The following HYAL4 variants were observed in gnomAD, a reference collection of about 807,000 sequenced individuals.
HYAL4 encodes hyaluronidase 4.
A neutral mutation model predicts 35.2 loss-of-function variants in HYAL4; 37 were observed. That is an observed-to-expected ratio of 1.05 (90% CI 0.81 to 1.38). The LOEUF (loss-of-function observed/expected upper bound fraction) is 1.38, where lower values mean the gene tolerates loss of function less well. Among genes scored for constraint, HYAL4 ranks in the 40% most tolerant of loss-of-function variants. The probability of loss-of-function intolerance (pLI) is 0.00; values close to 1 mark genes in which losing one functional copy is unlikely to be tolerated. For synonymous variants in HYAL4, 198 were observed against 203.2 expected (o/e 0.97, Z 0.22); for missense variants, 572 against 572.4 (o/e 1.00, Z 0.01).
the HYAL4 span, among the ~76,000 whole-genome samples, chr7:123,797,816 T>G: frequency 2.6e-5 from 4 of 152,134 alleles, no homozygotes; most frequent in Non-Finnish European, 5.9e-5. Flanking sequence ...AATGGCAATT[T>G]GCAAAGTCAT....
chr7:123,864,222 G>A (rs1806638872), intron 2 of HYAL4, among the ~76,000 whole-genome samples: 1 of 152,102 alleles, frequency 6.6e-6, no homozygotes, highest in African/African-American at 2.4e-5. Flanking sequence ...TTTACCTATG[G>A]CTTTAATGAG....
At chr7:123,791,505 A>G in the HYAL4 span, among the ~76,000 whole-genome samples, 1 of 152,210 alleles carries the variant, frequency 6.6e-6, no homozygotes, top group African/African-American at 2.4e-5. Flanking sequence ...AATATCAGTG[A>G]TTAATTGGGG....
upstream of HYAL4, among the ~76,000 whole-genome samples, chr7:123,841,262 T>C (rs1806054473): frequency 1.3e-5 from 2 of 152,014 alleles, no homozygotes. Context: ...GTTTTTGTCA[T>C]TGGTTCTGTT....
chr7:123,785,887 A>G, the HYAL4 span, among the ~76,000 whole-genome samples: 1 of 152,180 alleles, frequency 6.6e-6, no homozygotes, highest in African/African-American at 2.4e-5. This position sits in a 1 kb window ranked among gnomAD's most constrained non-coding sequence, Gnocchi z 4.5. Context: ...CCTAGGCAAA[A>G]TGTAAATTTA....
chr7:123,805,868 A>C, the HYAL4 span, among the ~76,000 whole-genome samples: 2 of 152,002 alleles, frequency 1.3e-5, no homozygotes, highest in Admixed American at 1.3e-4. Context: ...AGTGGCAGGC[A>C]CCTGTAATCC....
intron 3 of HYAL4, among the ~76,000 whole-genome samples, chr7:123,872,044 G>A (rs2116964288): frequency 6.6e-6 from 1 of 152,276 alleles, no homozygotes; most frequent in East Asian, 1.9e-4. Flanking sequence ...TGCAAGTGCA[G>A]TTTTGTTACA....
chr7:123,793,720 A>C, the HYAL4 span, among the ~76,000 whole-genome samples: 1 of 152,180 alleles, frequency 6.6e-6, no homozygotes, highest in African/African-American at 2.4e-5. Context: ...CTGAACTGTG[A>C]ATCAATTAAA....
At chr7:123,862,738 T>C (rs555789904) in intron 2 of HYAL4, among the ~76,000 whole-genome samples, 1 of 152,348 alleles carries the variant, frequency 6.6e-6, no homozygotes, top group South Asian at 2.1e-4. Flanking sequence ...GCAAGAGCTT[T>C]TTATAGTCTT....
At chr7:123,858,990 G>T (rs1404256421) in intron 2 of HYAL4, among the ~76,000 whole-genome samples, 2 of 151,738 alleles carry the variant, frequency 1.3e-5, no homozygotes, top group Non-Finnish European at 2.9e-5. Context: ...GTGTGGGGAA[G>T]AATAAAAAGA....
the HYAL4 span, among the ~76,000 whole-genome samples, chr7:123,793,569 T>G: frequency 1.3e-5 from 2 of 152,206 alleles, no homozygotes; most frequent in African/African-American, 4.8e-5. Flanking sequence ...TTCATGATAG[T>G]GAGTTCTCAC....
chr7:123,803,837 T>C, the HYAL4 span, among the ~76,000 whole-genome samples: 13 of 152,194 alleles, frequency 8.5e-5, no homozygotes, highest in Admixed American at 4.6e-4. Context: ...TTCCTCCATC[T>C]GGAGTCCCTT....
At chr7:123,794,735 A>G in the HYAL4 span, among the ~76,000 whole-genome samples, 78 of 152,370 alleles carry the variant, frequency 5.1e-4, no homozygotes, top group African/African-American at 1.6e-3. Flanking sequence ...ATGTCCAGGT[A>G]GAAGTTTGCT....
At chr7:123,775,448 TGAAA>T in the HYAL4 span, among the ~76,000 whole-genome samples, 960 of 151,398 alleles carry the variant, frequency 6.3e-3, 9 homozygotes, top group African/African-American at 0.022. Context: ...GAAAAAAAAA[TGAAA>T]GAAAAAAAGT....
rs770619810 is a variant in HYAL4 at position 123,868,265 on chromosome 7, T to A, written c.-9T>A. On this transcript the variant is annotated 5_prime_UTR_variant, in exon 3 of 5. Transcript: ENST00000223026. Reference sequence around the variant, plus strand: ...AAAGCAGAAGATAACGTAACATTTTTATCTTACCATGAAAGTATTATCTGA... The same window carrying A: ...AAAGCAGAAGATAACGTAACATTTTAATCTTACCATGAAAGTATTATCTGA... 6 of 1,480,758 alleles carry A rather than the reference T, an allele frequency of 4.1e-6. No homozygotes were observed. The highest frequency in any genetic ancestry group is 5.4e-6 in the Non-Finnish European group (6 of 1,106,260). The allele number at this position is 1,480,758 out of a possible 1,614,324, so 91.7% of individuals were successfully genotyped here.
the HYAL4 span, among the ~76,000 whole-genome samples, chr7:123,769,284 T>C: frequency 6.6e-6 from 1 of 152,192 alleles, no homozygotes; most frequent in African/African-American, 2.4e-5. Context: ...AATGAGTTAA[T>C]AAAGAAGGTT....
At chr7:123,871,658 C>T (rs1229802674) in intron 3 of HYAL4, among the ~76,000 whole-genome samples, 1 of 152,136 alleles carries the variant, frequency 6.6e-6, no homozygotes, top group African/African-American at 2.4e-5. Flanking sequence ...AATCTCTTAA[C>T]CTCCCTGGAC....
chr7:123,869,489 G>A (rs1215097940), intron 3 of HYAL4, among the ~76,000 whole-genome samples: 1 of 152,142 alleles, frequency 6.6e-6, no homozygotes, highest in Non-Finnish European at 1.5e-5. Context: ...TACATTTCCT[G>A]CACACCAACT....
chr7:123,811,541 T>C, the HYAL4 span, among the ~76,000 whole-genome samples: 2 of 152,182 alleles, frequency 1.3e-5, no homozygotes, highest in Non-Finnish European at 2.9e-5. Flanking sequence ...CATTTTCTTG[T>C]TGTTGAAATT....
intron 1 of HYAL4, among the ~76,000 whole-genome samples, chr7:123,838,962 T>C (rs951174361): frequency 4.0e-5 from 6 of 151,482 alleles, no homozygotes; most frequent in Admixed American, 3.9e-4. Flanking sequence ...GTGCATCCAT[T>C]ATTTCTTGAA....
Sources: gnomAD v4.1 joint callset for allele counts (sites outside exome capture counted in the v4.1 genomes callset) on GRCh38, gnomAD v4.1.1 for gene constraint, Gnocchi (gnomAD v3.1) non-coding constraint, MANE v1.5 for transcripts, NCBI Gene and HGNC (gene_info 2026-07-23, HGNC 2026-07-21) for gene names.